Variants in PPP3CB observed in about 807,000 individuals in gnomAD.
The protein encoded by PPP3CB is serine/threonine-protein phosphatase 2B catalytic subunit beta isoform.
A neutral mutation model predicts 66.4 loss-of-function variants in PPP3CB; 8 were observed. The observed-to-expected ratio is 0.12, with a 90% confidence interval of 0.07 to 0.22. The LOEUF is 0.22. PPP3CB is among the 10% of genes least tolerant of loss of function. The pLI is 1.00. For missense variants in PPP3CB, 319 were observed against 642.5 expected, an observed-to-expected ratio of 0.50 and a Z score of 5.44; for synonymous variants, 208 against 221.2, an observed-to-expected ratio of 0.94 and a Z score of 0.53.
At chr10:73,491,704 A>G (rs1229099291) in intron 1 of PPP3CB, among the ~76,000 whole-genome samples, 1 of 152,176 alleles carries the variant, frequency 6.6e-6, no homozygotes, top group Non-Finnish European at 1.5e-5. Flanking sequence ...ACGGTGGCTC[A>G]TGCCTATAAT....
At chr10:73,474,801 G>A in intron 4 of PPP3CB, 118 bp downstream of exon 4, 8 of 1,395,334 alleles carry the variant, frequency 5.7e-6, no homozygotes, top group Non-Finnish European at 7.6e-6. Flanking sequence ...AAAGCTTTAT[G>A]TGTGGACATG....
intron 9 of PPP3CB, among the ~76,000 whole-genome samples, chr10:73,458,472 T>A (rs1400616869): frequency 1.3e-5 from 2 of 151,918 alleles, no homozygotes; most frequent in Non-Finnish European, 2.9e-5. Context: ...TTAAGACAAA[T>A]AACCCAATTA....
intron 7 of PPP3CB, 28 bp from the exon 8 acceptor site, chr10:73,470,809 C>T (rs375775732): frequency 2.5e-6 from 4 of 1,583,842 alleles, no homozygotes; most frequent in Non-Finnish European, 2.6e-6. Flanking sequence ...TAATATGCAT[C>T]GTAAAGCATC....
intron 1 of PPP3CB, among the ~76,000 whole-genome samples, chr10:73,487,025 C>G (rs762081270): frequency 7.2e-5 from 11 of 152,014 alleles, no homozygotes; most frequent in Non-Finnish European, 1.2e-4. Context: ...CAAAAATTAG[C>G]TGGGCATGGT....
At chr10:73,495,620 C>T in intron 1 of PPP3CB, 185 bp downstream of exon 1, 1 of 859,916 alleles carries the variant, frequency 1.2e-6, no homozygotes, top group Non-Finnish European at 1.6e-6. Flanking sequence ...ACCGGGAGAC[C>T]GCGGAACCAC....
intron 1 of PPP3CB, among the ~76,000 whole-genome samples, chr10:73,491,762 G>A (rs952255979): frequency 2.6e-5 from 4 of 152,042 alleles, no homozygotes; most frequent in Admixed American, 2.0e-4. Context: ...GAGGTCAGGA[G>A]ATCGAGACCA....
At chr10:73,470,612 C>A in intron 8 of PPP3CB, 75 bp downstream of exon 8, 2 of 919,830 alleles carry the variant, frequency 2.2e-6, no homozygotes, top group South Asian at 2.2e-5. Context: ...AACAACACCC[C>A]TTTTTTATTA....
At chr10:73,460,450 T>C (rs1001770745) in intron 9 of PPP3CB, among the ~76,000 whole-genome samples, 1 of 151,868 alleles carries the variant, frequency 6.6e-6, no homozygotes, top group Non-Finnish European at 1.5e-5. Context: ...AGAAAGGTAA[T>C]AGAATCTAGA....
intron 9 of PPP3CB, among the ~76,000 whole-genome samples, chr10:73,463,061 CAA>C (rs1328908561): frequency 2.1e-5 from 3 of 145,592 alleles, no homozygotes; most frequent in Non-Finnish European, 4.5e-5. Context: ...GTTGTTGTAA[CAA>C]GAGTTTTCTC....
At chr10:73,460,860 C>T (rs547390644) in intron 9 of PPP3CB, among the ~76,000 whole-genome samples, 2 of 152,312 alleles carry the variant, frequency 1.3e-5, no homozygotes, top group South Asian at 4.1e-4. Flanking sequence ...TTGGTGGTTT[C>T]CACTTAGATT....
chr10:73,457,697 C>A (rs2056451550), intron 9 of PPP3CB, among the ~76,000 whole-genome samples: 1 of 148,758 alleles, frequency 6.7e-6, no homozygotes. Flanking sequence ...AAGATGGTAC[C>A]ACTGCACTCC....
chr10:73,477,847 G>A (rs1321512768), intron 3 of PPP3CB, among the ~76,000 whole-genome samples: 3 of 151,974 alleles, frequency 2.0e-5, no homozygotes, highest in African/African-American at 7.3e-5. Flanking sequence ...AGCTCAAGAG[G>A]TCAAGGCTAC....
intron 3 of PPP3CB, among the ~76,000 whole-genome samples, chr10:73,476,449 T>G (rs1178990921): frequency 6.6e-6 from 1 of 151,994 alleles, no homozygotes; most frequent in African/African-American, 2.4e-5. Context: ...AAACTCCATC[T>G]CTATTAAAAA....
intron 1 of PPP3CB, among the ~76,000 whole-genome samples, chr10:73,492,684 A>C (rs1253660705): frequency 1.3e-5 from 2 of 152,182 alleles, no homozygotes; most frequent in African/African-American, 4.8e-5. Flanking sequence ...CAAACAGGGG[A>C]AGAATTTGAC....
chr10:73,457,307 C>G (rs1282994276), intron 9 of PPP3CB, among the ~76,000 whole-genome samples: 1 of 122,366 alleles, frequency 8.2e-6, no homozygotes, highest in African/African-American at 3.1e-5. Flanking sequence ...CATGGTAGGA[C>G]ATGCCTGTAG....
chr10:73,491,022 G>GTTGTTTTTTTTTTTTT (rs2057066103), intron 1 of PPP3CB, among the ~76,000 whole-genome samples: 1 of 40,896 alleles, frequency 2.4e-5, no homozygotes, highest in African/African-American at 6.7e-5. Flanking sequence ...TGTTTTTATT[G>GTTGTTTTTTTTTTTTT]TTTTTTTTTT....
chr10:73,489,868 C>T (rs1195927092), intron 1 of PPP3CB, among the ~76,000 whole-genome samples: 1 of 152,190 alleles, frequency 6.6e-6, no homozygotes, highest in Admixed American at 6.5e-5. Flanking sequence ...ACTCTAGCCC[C>T]ACTTTCTGGT....
At position 73,438,281 on chromosome 10, in the gene PPP3CB, G is replaced by A; in HGVS notation, c.1536C>T (p.Ala512=). Residue 512 remains alanine, a synonymous_variant, in exon 14 of 14, where the codon GCC becomes GCT. Transcript: ENST00000360663. ...DGFNSLNTAH[A]TENHGTGNHT... The stretch of plus-strand genomic sequence containing the variant: ...GGTTGCCCGTCCCGTGGTTCTCAGT[G>A]GCATGTGCGGTGTTCAGAGAATTGA... 1 of 1,614,084 alleles carries A rather than the reference G, an allele frequency of 6.2e-7. No individual in the cohort carries two copies. The highest frequency in any genetic ancestry group is 8.5e-7 in the Non-Finnish European group (1 of 1,180,016).
intron 1 of PPP3CB, among the ~76,000 whole-genome samples, chr10:73,492,988 G>C (rs1273327681): frequency 6.6e-6 from 1 of 151,994 alleles, no homozygotes; most frequent in Non-Finnish European, 1.5e-5. Context: ...AAGTTCCAGG[G>C]AGGCAGGCCG....
Sources: allele counts gnomAD v4.1 joint callset (sites outside exome capture counted in the v4.1 genomes callset), GRCh38; gene constraint gnomAD v4.1.1; transcripts MANE v1.5; gene names NCBI Gene and HGNC (gene_info 2026-07-23, HGNC 2026-07-21).